OXSR1: variants seen among roughly 807,000 people sequenced by gnomAD.
The protein encoded by OXSR1 is oxidative stress responsive kinase 1, also known as serine/threonine-protein kinase OSR1.
Under a neutral mutation model 79.8 loss-of-function variants are expected in OXSR1, and 24 were observed. The observed-to-expected ratio is 0.30, with a 90% CI of 0.22 to 0.42. The LOEUF is 0.42. Ranked by LOEUF, OXSR1 falls within the 10% of genes least tolerant of loss-of-function variation. The probability of loss-of-function intolerance (pLI) is 1.00; values close to 1 mark genes in which losing one functional copy is unlikely to be tolerated. For missense variants in OXSR1, 430 were observed against 618.4 expected, an observed-to-expected ratio of 0.70 and a Z score of 3.23; for synonymous variants, 226 against 209.2, an observed-to-expected ratio of 1.08 and a Z score of -0.69.
intron 11 of OXSR1, among the ~76,000 whole-genome samples, chr3:38,238,067 T>C (rs1158962101): frequency 6.6e-6 from 1 of 152,144 alleles, no homozygotes; most frequent in Non-Finnish European, 1.5e-5. Flanking sequence ...TCTCTAGCTA[T>C]CTATAGATAA....
chr3:38,247,878 C>T (rs1703176081), intron 14 of OXSR1, 146 bp downstream of exon 14: 1 of 571,932 alleles, frequency 1.7e-6, no homozygotes, highest in Non-Finnish European at 3.1e-6. Context: ...TATTTTTCCC[C>T]AGAAATAATA....
At chr3:38,180,233 G>A (rs1438634006) in intron 1 of OXSR1, among the ~76,000 whole-genome samples, 1 of 152,182 alleles carries the variant, frequency 6.6e-6, no homozygotes, top group Non-Finnish European at 1.5e-5. Flanking sequence ...GTGAAACACT[G>A]TTCCTGGCGG....
chr3:38,230,320 A>G (rs1044088339), intron 9 of OXSR1, 45 bp from the exon 10 acceptor site: 37 of 1,233,270 alleles, frequency 3.0e-5, no homozygotes, highest in Non-Finnish European at 4.1e-5. Flanking sequence ...TTTTTTTGGT[A>G]CCTTAAAAAC....
chr3:38,209,845 A>G (rs932503648), intron 4 of OXSR1, among the ~76,000 whole-genome samples: 21 of 151,468 alleles, frequency 1.4e-4, no homozygotes, highest in African/African-American at 4.9e-4. Context: ...GATGGTCTCA[A>G]TCTCCTGACC....
chr3:38,172,956 A>G (rs368453218), intron 1 of OXSR1, among the ~76,000 whole-genome samples: 19 of 152,216 alleles, frequency 1.2e-4, no homozygotes, highest in African/African-American at 4.3e-4. Flanking sequence ...TCCTTCTCAT[A>G]GTTGGAAGAT....
At chr3:38,200,284 A>G (rs1210185674) in intron 4 of OXSR1, among the ~76,000 whole-genome samples, 3 of 152,066 alleles carry the variant, frequency 2.0e-5, no homozygotes, top group Non-Finnish European at 2.9e-5. Context: ...TCTTTTTGAT[A>G]TATGTCTGTC....
chr3:38,210,052 G>T (rs1222083044), intron 4 of OXSR1, among the ~76,000 whole-genome samples: 32 of 144,718 alleles, frequency 2.2e-4, no homozygotes, highest in African/African-American at 6.5e-4. Flanking sequence ...TTCTAGGTTG[G>T]TTTTTTTTTT....
At chr3:38,236,992 A>C (rs1489356750) in intron 11 of OXSR1, 31 bp downstream of exon 11, 1 of 1,584,822 alleles carries the variant, frequency 6.3e-7, no homozygotes, top group Non-Finnish European at 8.6e-7. Flanking sequence ...TACTTTAGCT[A>C]GAACTTTTTG....
chr3:38,175,885 T>C (rs923016693), intron 1 of OXSR1, among the ~76,000 whole-genome samples: 1 of 152,142 alleles, frequency 6.6e-6, no homozygotes, highest in African/African-American at 2.4e-5. Context: ...GGCGTGCCAA[T>C]GTGAAGTAGT....
At chr3:38,228,007 A>C (rs1415115193) in intron 8 of OXSR1, among the ~76,000 whole-genome samples, 1 of 152,196 alleles carries the variant, frequency 6.6e-6, no homozygotes, top group East Asian at 1.9e-4. Context: ...AACATCGTGG[A>C]GTGTACTTAC....
At chr3:38,206,496 C>G (rs1321134523) in intron 4 of OXSR1, among the ~76,000 whole-genome samples, 1 of 140,966 alleles carries the variant, frequency 7.1e-6, no homozygotes, top group Non-Finnish European at 1.5e-5. Flanking sequence ...TTATTGCATT[C>G]TTAAAAAAAA....
intron 4 of OXSR1, among the ~76,000 whole-genome samples, chr3:38,208,770 C>T (rs2125826795): frequency 6.6e-6 from 1 of 152,234 alleles, no homozygotes; most frequent in African/African-American, 2.4e-5. Context: ...GGTGTGGTGG[C>T]ACGCACCTGT....
chr3:38,190,918 T>G (rs1323559687), intron 3 of OXSR1, 79 bp downstream of exon 3: 3 of 778,098 alleles, frequency 3.9e-6, no homozygotes, highest in Non-Finnish European at 6.6e-6. Flanking sequence ...CTATCCTGAT[T>G]TCGTTTTCAT....
At chr3:38,227,242 ATTGT>A (rs1447412489) in intron 8 of OXSR1, among the ~76,000 whole-genome samples, 1 of 152,184 alleles carries the variant, frequency 6.6e-6, no homozygotes, top group African/African-American at 2.4e-5. Flanking sequence ...CTTAACATAT[ATTGT>A]TTAATTCTCA....
intron 1 of OXSR1, among the ~76,000 whole-genome samples, chr3:38,176,023 CT>C (rs983119164): frequency 6.6e-6 from 1 of 152,134 alleles, no homozygotes; most frequent in Non-Finnish European, 1.5e-5. Flanking sequence ...TAAACCATTC[CT>C]TTTGTTCTTT....
chr3:38,169,014 A>G (rs961221612), intron 1 of OXSR1, among the ~76,000 whole-genome samples: 1 of 152,212 alleles, frequency 6.6e-6, no homozygotes, highest in Non-Finnish European at 1.5e-5. Context: ...CACAAATTCA[A>G]CTGTTTAAGA....
rs149980508 is a variant in OXSR1 at position 38,247,694 on chromosome 3, A to G, written c.1284A>G (p.Gln428=). The change falls in exon 14 of 18, where the codon CAA becomes CAG. Residue 428 remains glutamine (Q), a synonymous_variant. Transcript: ENST00000311806. Reference sequence around the variant, plus strand: ...CTTTGTCTTCAGGATCAGGTTCACAAGAAACCAAGATCCCAATCAGTCTAG... The same window carrying G: ...CTTTGTCTTCAGGATCAGGTTCACAGGAAACCAAGATCCCAATCAGTCTAG... The part of the protein sequence containing the change: ...AQALSSGSGS[Q]ETKIPISLVL... The G allele has an allele frequency of 7.5e-5, 121 of 1,612,396 alleles. No individual in the cohort carries two copies. Among genetic ancestry groups the G allele is most frequent in the Non-Finnish European group, 9.3e-5 (110 of 1,178,670 alleles).
intron 5 of OXSR1, among the ~76,000 whole-genome samples, chr3:38,220,221 A>G (rs537220360): frequency 2.0e-5 from 3 of 152,306 alleles, no homozygotes; most frequent in Admixed American, 6.5e-5. Flanking sequence ...TAGACAAGCA[A>G]TTATTTCAAA....
intron 1 of OXSR1, among the ~76,000 whole-genome samples, chr3:38,177,205 G>A (rs1701690849): frequency 6.6e-6 from 1 of 152,232 alleles, no homozygotes; most frequent in African/African-American, 2.4e-5. Context: ...AGCATGATTA[G>A]CTTCCTTCTC....
Sources: gnomAD v4.1 joint callset for allele counts (sites outside exome capture counted in the v4.1 genomes callset) on GRCh38, gnomAD v4.1.1 for gene constraint, MANE v1.5 for transcripts, NCBI Gene and HGNC (gene_info 2026-07-23, HGNC 2026-07-21) for gene names.